Variants in BRF1 observed in about 807,000 individuals in gnomAD.
BRF1 encodes transcription factor IIIB 90 kDa subunit.
In BRF1, 59 loss-of-function variants were observed where a neutral mutation model predicts 81.7. The observed-to-expected ratio is 0.72, with a 90% CI of 0.59 to 0.90. BRF1 has a LOEUF of 0.90. BRF1 is among the 40% of genes least tolerant of loss of function. The pLI is 0.00. For synonymous variants in BRF1, 491 were observed against 395.6 expected (o/e 1.24, Z -2.86); for missense variants, 1,050 against 936.3 (o/e 1.12, Z -1.58).
chr14:105,244,349 TG>T (rs1344684134), intron 5 of BRF1, among the ~76,000 whole-genome samples: 1 of 151,930 alleles, frequency 6.6e-6, no homozygotes, highest in East Asian at 1.9e-4. Context: ...GAGGCTGAGG[TG>T]GGAGGATTGC....
chr14:105,296,080 CAAAA>C (rs58030113), intron 1 of BRF1, among the ~76,000 whole-genome samples: 1 of 56,924 alleles, frequency 1.8e-5, no homozygotes, highest in African/African-American at 6.7e-5. Context: ...CACTCTATCT[CAAAA>C]AAAAAAAAAA....
At chr14:105,247,150 C>A in intron 5 of BRF1, 3 of 985,510 alleles carry the variant, frequency 3.0e-6, no homozygotes, top group Non-Finnish European at 3.6e-6. Context: ...GGGTCCCACA[C>A]TATGAAATCG....
chr14:105,216,658 C>A (rs1451871138), intron 15 of BRF1, among the ~76,000 whole-genome samples: 1 of 152,172 alleles, frequency 6.6e-6, no homozygotes, highest in African/African-American at 2.4e-5. Flanking sequence ...CCTAGCAGCT[C>A]AAAAGGCCAA....
chr14:105,241,506 C>G (rs1470549566), intron 5 of BRF1, 92 bp from the exon 6 acceptor site: 24 of 1,530,706 alleles, frequency 1.6e-5, no homozygotes, highest in Admixed American at 7.1e-5. Context: ...GCAACCTGCA[C>G]TTGTCTTTCC....
intron 11 of BRF1, 67 bp downstream of exon 11, chr14:105,221,581 T>C (rs1595281503): frequency 6.4e-7 from 1 of 1,556,114 alleles, no homozygotes. Context: ...GCTCTCCCCA[T>C]GAGAGGCACA....
chr14:105,274,853 G>A (rs949727707), intron 2 of BRF1, among the ~76,000 whole-genome samples: 3 of 152,184 alleles, frequency 2.0e-5, no homozygotes, highest in Non-Finnish European at 4.4e-5. Flanking sequence ...AGTGGGCGTC[G>A]TGGGCAGGCA....
At chr14:105,248,607 C>G in intron 5 of BRF1, 1 of 970,416 alleles carries the variant, frequency 1.0e-6, no homozygotes, top group Non-Finnish European at 1.2e-6. Flanking sequence ...CCCCCGCGGC[C>G]GGGCCTGGCC....
chr14:105,241,255 C>G lies in BRF1; in HGVS notation c.694+10G>C. 6.2e-7 allele frequency: 1 copy of G among 1,609,792 alleles called. No individual in the cohort carries two copies. Among genetic ancestry groups the G allele is most frequent in the Non-Finnish European group, 8.5e-7 (1 of 1,179,482 alleles). ...ACCAGCATCCCCCAGGCAGGCAGGG[C>G]CCGCTGTACCTGCTCCGCAGAGGCC... On this transcript the variant is annotated intron_variant, in intron 6 of 17. Transcript: ENST00000547530.
At chr14:105,304,493 T>TAAATA (rs60177512), upstream of BRF1, among the ~76,000 whole-genome samples, 3,698 of 151,888 alleles carry the variant, frequency 0.024, 68 homozygotes, top group African/African-American at 0.047. Flanking sequence ...CATCTCACAA[T>TAAATA]AAATAAAATA....
intron 5 of BRF1, among the ~76,000 whole-genome samples, chr14:105,252,019 G>A (rs1199764103): frequency 6.6e-6 from 1 of 152,054 alleles, no homozygotes; most frequent in East Asian, 1.9e-4. Context: ...GCACAACCAG[G>A]AGCTGCCCCA....
chr14:105,303,339 G>A (rs587758560), upstream of BRF1, among the ~76,000 whole-genome samples: 11 of 152,132 alleles, frequency 7.2e-5, no homozygotes, highest in Non-Finnish European at 1.5e-4. Context: ...CACCTCCCGG[G>A]TTCATGCCAT....
chr14:105,245,519 C>T (rs2055030579), intron 5 of BRF1, among the ~76,000 whole-genome samples: 1 of 152,012 alleles, frequency 6.6e-6, no homozygotes, highest in Non-Finnish European at 1.5e-5. Flanking sequence ...ATTAAAAAGT[C>T]CAACAGCCAG....
chr14:105,302,095 C>T (rs587739780), upstream of BRF1, among the ~76,000 whole-genome samples: 2 of 151,578 alleles, frequency 1.3e-5, no homozygotes, highest in South Asian at 2.1e-4. Context: ...GCTGAGATCC[C>T]GCCATTGCAC....
At chr14:105,225,989 T>A (rs1893024414) in intron 10 of BRF1, 80 bp downstream of exon 10, 2 of 1,387,226 alleles carry the variant, frequency 1.4e-6, no homozygotes, top group South Asian at 2.5e-5. Flanking sequence ...TTTCCAGGTC[T>A]TTTTCTGATC....
At chr14:105,299,100 G>A (rs1299564701) in intron 1 of BRF1, among the ~76,000 whole-genome samples, 1 of 151,982 alleles carries the variant, frequency 6.6e-6, no homozygotes, top group African/African-American at 2.4e-5. Context: ...GTGAGCCTGG[G>A]AGGCAGAGCT....
At position 105,214,448 on chromosome 14, in the gene BRF1, T is replaced by C. The variant is rs587609738; in HGVS notation, c.1773-2284A>G. Among the ~76,000 whole-genome samples the C allele has an allele frequency of 1.3e-4, 17 of 127,712 alleles. No individual in the cohort carries two copies. In the East Asian group the frequency reaches 3.0e-3, roughly 23 times the overall value. 83.8% of individuals were successfully genotyped at this position (127,712 alleles called of 152,430 possible). A position where few individuals can be genotyped will look rare whatever the true frequency, so the allele number is the denominator to read the frequency against. On this transcript the variant is annotated intron_variant, in intron 15 of 17. Coordinates refer to ENST00000547530, the MANE Select transcript of BRF1 (RefSeq NM_001519.4). ...CCCACACCCATGCATGGCCCACCCC[T>C]GCGTGGCTCAGCTGCCCACACCCCT...
intron 3 of BRF1, among the ~76,000 whole-genome samples, chr14:105,268,653 C>A (rs753959106): frequency 2.6e-5 from 4 of 152,222 alleles, no homozygotes; most frequent in Non-Finnish European, 5.9e-5. Context: ...GGGCTCAGGG[C>A]ACTGGTCCCA....
At chr14:105,213,173 G>C (rs1890431515) in intron 15 of BRF1, 1 of 152,372 alleles carries the variant, frequency 6.6e-6, no homozygotes. Context: ...GGGGCCTCTG[G>C]GGATGGCAGC....
chr14:105,210,430 G>T lies in BRF1; in HGVS notation c.*121C>A. 1.8e-6 allele frequency: 2 copies of T among 1,092,914 alleles called. No individual in the cohort carries two copies. The highest frequency in any genetic ancestry group is 2.7e-6 in the Non-Finnish European group (2 of 751,912). The allele number at this position is 1,092,914 out of a possible 1,614,324, so 67.7% of individuals were successfully genotyped here. On this transcript the variant is annotated 3_prime_UTR_variant, in exon 18 of 18. Transcript: ENST00000547530. This position sits in a 1 kb window ranked among gnomAD's most constrained non-coding sequence, Gnocchi z 4.7. ...ATGGGACGAGGGCTGTGGGACAGGT[G>T]CCACCTGTCACCAGGAGTCTCGGCG... is the stretch of plus-strand genomic sequence containing the variant.
Sources: allele counts gnomAD v4.1 joint callset (sites outside exome capture counted in the v4.1 genomes callset), GRCh38; gene constraint gnomAD v4.1.1; non-coding constraint Gnocchi (gnomAD v3.1); transcripts MANE v1.5; gene names NCBI Gene and HGNC (gene_info 2026-07-23, HGNC 2026-07-21).